The following ATXN7L1 variants were observed in gnomAD, a reference collection of about 807,000 sequenced individuals.
ATXN7L1 encodes the protein ataxin 7 like 1, also known as ataxin-7-like protein 1.
Under a neutral mutation model 70.8 loss-of-function variants are expected in ATXN7L1, and 15 were observed. The ratio of observed to expected loss-of-function variants is 0.21; its 90% CI spans 0.14 to 0.33. The LOEUF (loss-of-function observed/expected upper bound fraction) is 0.33. Ranked by LOEUF, ATXN7L1 falls within the 10% of genes least tolerant of loss-of-function variation. The pLI, the probability that ATXN7L1 is intolerant of heterozygous loss-of-function variation, is 1.00. For synonymous variants in ATXN7L1, 440 were observed against 445.1 expected (o/e 0.99, Z 0.14); for missense variants, 975 against 1,097.1 (o/e 0.89, Z 1.57).
chr7:105,834,592 C>T lies in ATXN7L1; in HGVS notation c.250+41220G>A, dbSNP rs1364944438. The stretch of plus-strand genomic sequence containing the variant: ...GTCATAACATTTTAGGATCCTGATA[C>T]GCACACCTACCTTGCTGAAGGGTGC... On this transcript the variant is annotated intron_variant, in intron 2 of 11. Coordinates refer to ENST00000419735, the MANE Select transcript of ATXN7L1 (RefSeq NM_020725.2). Among the ~76,000 whole-genome samples the T allele has an allele frequency of 3.3e-5, 5 of 152,282 alleles. 1 individual carries two copies. Among genetic ancestry groups the T allele is most frequent in the Middle Eastern group, 6.8e-3 (2 of 294 alleles).
Position 105,686,266 on chromosome 7 carries a change from A to G in ATXN7L1, c.356-20978T>C, listed in dbSNP as rs375272128. ...CACAGTGGCTCATGCCTGTAATCCC[A>G]GCACTTTGGGAAGCTGAGGCGGGTG... On this transcript the variant is annotated intron_variant, in intron 3 of 11. Transcript: ENST00000419735. 1.2e-4 allele frequency among the ~76,000 whole-genome samples: 18 copies of G among 152,348 alleles called. No homozygotes were observed. In the East Asian group the frequency reaches 1.5e-3, roughly 13 times the overall value.
intron 2 of ATXN7L1, among the ~76,000 whole-genome samples, chr7:105,811,616 G>T (rs1468184017): frequency 6.6e-6 from 1 of 152,184 alleles, no homozygotes; most frequent in African/African-American, 2.4e-5. Flanking sequence ...TCTGGGACAT[G>T]TCTGCAAATA....
At chr7:105,751,855 C>T (rs566416857) in intron 3 of ATXN7L1, among the ~76,000 whole-genome samples, 5 of 152,372 alleles carry the variant, frequency 3.3e-5, no homozygotes, top group Non-Finnish European at 7.3e-5. Flanking sequence ...TCAGCTCTGC[C>T]TTTCCATGGA....
chr7:105,787,104 T>C (rs1047021453), intron 3 of ATXN7L1, among the ~76,000 whole-genome samples: 1 of 152,050 alleles, frequency 6.6e-6, no homozygotes, highest in Non-Finnish European at 1.5e-5. Flanking sequence ...ACCCTTTCTC[T>C]CTTCCAGGCA....
At chr7:105,799,625 G>C (rs998052111) in intron 2 of ATXN7L1, among the ~76,000 whole-genome samples, 2 of 152,022 alleles carry the variant, frequency 1.3e-5, no homozygotes, top group Admixed American at 1.3e-4. Flanking sequence ...CCTATGGAAC[G>C]CCTTTAGTCA....
At chr7:105,875,142 C>G (rs1385858324) in intron 2 of ATXN7L1, 1 of 152,644 alleles carries the variant, frequency 6.6e-6, no homozygotes, top group South Asian at 2.1e-4. Flanking sequence ...TGTTTGATGC[C>G]CAATTGCAGC....
chr7:105,608,050 G>A (rs1792838661), intron 11 of ATXN7L1, among the ~76,000 whole-genome samples, 160 bp from the exon 12 acceptor site: 1 of 152,194 alleles, frequency 6.6e-6, no homozygotes, highest in Admixed American at 6.5e-5. Context: ...AGAGATGATG[G>A]ATCTAAAGGA....
rs567912004 is a variant in ATXN7L1, at chr7:105,778,334, C to T, written c.355+10270G>A. On this transcript the variant is annotated intron_variant, in intron 3 of 11. Coordinates refer to ENST00000419735, the MANE Select transcript of ATXN7L1 (RefSeq NM_020725.2). ...CCAGCCTGGGCAACATGGCGAAACC[C>T]GCATCTCTACAAAAAAAAAAAAAAA... Among the ~76,000 whole-genome samples, 245 of 137,288 alleles carry T rather than the reference C, an allele frequency of 1.8e-3. 1 individual carries two copies. Among genetic ancestry groups the T allele is most frequent in the African/African-American group, 6.2e-3 (228 of 36,568 alleles). 90.1% of individuals were successfully genotyped at this position (137,288 alleles called of 152,430 possible).
chr7:105,830,684 C>T (rs895285346), intron 2 of ATXN7L1, among the ~76,000 whole-genome samples: 6 of 152,246 alleles, frequency 3.9e-5, no homozygotes, highest in African/African-American at 1.4e-4. Context: ...CAACAAATCT[C>T]TCTCTTCTCT....
chr7:105,753,256 C>A (rs916594185), intron 3 of ATXN7L1, among the ~76,000 whole-genome samples: 1 of 152,186 alleles, frequency 6.6e-6, no homozygotes, highest in Non-Finnish European at 1.5e-5. Flanking sequence ...TGCAGCTCTG[C>A]AACTAAGTGG....
intron 3 of ATXN7L1, among the ~76,000 whole-genome samples, chr7:105,713,493 A>G (rs1243615371): frequency 6.6e-6 from 1 of 152,238 alleles, no homozygotes; most frequent in East Asian, 1.9e-4. Context: ...CCCTGAGGAT[A>G]ACTGTCAGGT....
intron 3 of ATXN7L1, among the ~76,000 whole-genome samples, chr7:105,762,439 T>C (rs927435634): frequency 3.3e-5 from 5 of 152,156 alleles, no homozygotes; most frequent in Non-Finnish European, 5.9e-5. Flanking sequence ...TTGGGACTCA[T>C]AGGTGGCTTT....
chr7:105,655,395 C>T (rs1417915744), intron 4 of ATXN7L1, among the ~76,000 whole-genome samples: 1 of 152,168 alleles, frequency 6.6e-6, no homozygotes, highest in East Asian at 1.9e-4. Context: ...CAAGTGGGAG[C>T]CATCAAAGAG....
chr7:105,692,407 T>TTCCC (rs1554431620), intron 3 of ATXN7L1, among the ~76,000 whole-genome samples: 40 of 82,300 alleles, frequency 4.9e-4, no homozygotes, highest in African/African-American at 1.6e-3. Flanking sequence ...CCTTCCTTCC[T>TTCCC]TCCTTCCTTC....
chr7:105,798,344 C>T (rs1806301689), intron 2 of ATXN7L1, among the ~76,000 whole-genome samples: 2 of 152,348 alleles, frequency 1.3e-5, no homozygotes, highest in East Asian at 1.9e-4. Context: ...TTTTCTACTT[C>T]CTGACTTTGG....
chr7:105,699,289 C>T (rs1177657666), intron 3 of ATXN7L1, among the ~76,000 whole-genome samples: 2 of 152,056 alleles, frequency 1.3e-5, no homozygotes, highest in Non-Finnish European at 2.9e-5. Context: ...TGCACCATCA[C>T]GCCCAGCTAA....
chr7:105,799,052 C>T (rs191326614), intron 2 of ATXN7L1, among the ~76,000 whole-genome samples: 1 of 152,336 alleles, frequency 6.6e-6, no homozygotes, highest in East Asian at 1.9e-4. Flanking sequence ...CATCCATCTA[C>T]CACAGACAGA....
At chr7:105,689,391 G>A (rs909148880) in intron 3 of ATXN7L1, among the ~76,000 whole-genome samples, 12 of 149,654 alleles carry the variant, frequency 8.0e-5, no homozygotes, top group Non-Finnish European at 1.7e-4. Context: ...CTTTCCCAAG[G>A]ATGGCAGGGT....
intron 3 of ATXN7L1, among the ~76,000 whole-genome samples, chr7:105,703,236 C>T (rs1389001985): frequency 1.3e-5 from 2 of 149,194 alleles, no homozygotes; most frequent in African/African-American, 5.0e-5. Context: ...ACCCAGGAGG[C>T]AGAGGTTGCG....
Sources: allele counts gnomAD v4.1 joint callset (sites outside exome capture counted in the v4.1 genomes callset), GRCh38; gene constraint gnomAD v4.1.1; transcripts MANE v1.5; gene names NCBI Gene and HGNC (gene_info 2026-07-23, HGNC 2026-07-21).